TSPAN5: variants seen among roughly 807,000 people sequenced by gnomAD.
TSPAN5 encodes the protein tetraspanin-5.
A neutral mutation model predicts 37.1 loss-of-function variants in TSPAN5; 10 were observed. That is an observed-to-expected ratio of 0.27 (90% confidence interval 0.17 to 0.46). TSPAN5 has a LOEUF of 0.46. TSPAN5 is among the 20% of genes least tolerant of loss of function. The pLI, the probability that TSPAN5 is intolerant of heterozygous loss-of-function variation, is 1.00. For synonymous variants in TSPAN5, 110 were observed against 118.9 expected (o/e 0.93, Z 0.48); for missense variants, 195 against 326.6 (o/e 0.60, Z 3.11).
intron 1 of TSPAN5, among the ~76,000 whole-genome samples, chr4:98,540,945 A>G (rs1419941767): frequency 6.6e-6 from 1 of 152,236 alleles, no homozygotes; most frequent in Non-Finnish European, 1.5e-5. Flanking sequence ...CTGTGGTTAA[A>G]CAACTGCACA....
At chr4:98,598,462 TC>T (rs1220790846) in intron 1 of TSPAN5, among the ~76,000 whole-genome samples, 1 of 147,628 alleles carries the variant, frequency 6.8e-6, no homozygotes, top group Non-Finnish European at 1.5e-5. Flanking sequence ...GGCTCCTCCC[TC>T]CTGTTTTTTT....
At chr4:98,518,068 ACT>A (rs1753773717) in intron 1 of TSPAN5, among the ~76,000 whole-genome samples, 1 of 150,448 alleles carries the variant, frequency 6.6e-6, no homozygotes, top group Non-Finnish European at 1.5e-5. Flanking sequence ...TCAGATGCAC[ACT>A]GTTTTTATGT....
At chr4:98,621,789 C>A (rs1359835393) in intron 1 of TSPAN5, among the ~76,000 whole-genome samples, 2 of 127,768 alleles carry the variant, frequency 1.6e-5, no homozygotes, top group Non-Finnish European at 1.9e-5. Flanking sequence ...CTCATTCCCA[C>A]CCCCCCCGCA....
intron 1 of TSPAN5, among the ~76,000 whole-genome samples, chr4:98,656,877 C>T (rs1757304327): frequency 6.6e-6 from 1 of 152,186 alleles, no homozygotes; most frequent in Admixed American, 6.5e-5. Flanking sequence ...GACAACTATT[C>T]TCACAGATGT....
In TSPAN5 at chr4:98,556,047, A is replaced by T. The variant is rs115513931; in HGVS notation, c.82-48319T>A. Among the ~76,000 whole-genome samples the T allele has an allele frequency of 3.0e-5, 2 of 66,722 alleles. 1 individual carries two copies. The highest frequency in any genetic ancestry group is 1.4e-4 in the African/African-American group (2 of 13,852). 43.8% of individuals were successfully genotyped at this position (66,722 alleles called of 152,430 possible). On this transcript the variant is annotated intron_variant, in intron 1 of 7. Transcript: ENST00000305798. ...CCCCACACACACAGCACCCCCACACACACACACACACACACACAGGTAGGA... is the reference window on the plus strand; with the variant it reads ...CCCCACACACACAGCACCCCCACACTCACACACACACACACACAGGTAGGA...
intron 2 of TSPAN5, among the ~76,000 whole-genome samples, chr4:98,506,945 T>G (rs1433227620): frequency 1.3e-5 from 2 of 151,994 alleles, no homozygotes; most frequent in Non-Finnish European, 2.9e-5. Flanking sequence ...TAGGGGGAGC[T>G]GTAGAGAAAA....
At chr4:98,515,306 C>T (rs1436360030) in intron 1 of TSPAN5, among the ~76,000 whole-genome samples, 4 of 152,150 alleles carry the variant, frequency 2.6e-5, no homozygotes. Flanking sequence ...CAGAACTGCA[C>T]AAAGCAATTG....
At chr4:98,502,151 G>A (rs1753367771) in intron 2 of TSPAN5, among the ~76,000 whole-genome samples, 1 of 152,222 alleles carries the variant, frequency 6.6e-6, no homozygotes, top group African/African-American at 2.4e-5. Flanking sequence ...GAGCAGGTTG[G>A]GAGGGCATGA....
intron 1 of TSPAN5, among the ~76,000 whole-genome samples, chr4:98,549,662 G>C (rs182592709): frequency 2.0e-5 from 3 of 151,994 alleles, no homozygotes; most frequent in Non-Finnish European, 2.9e-5. Context: ...TTTCATGTTT[G>C]TTGGCCACTT....
chr4:98,651,681 G>T (rs1174555024), intron 1 of TSPAN5, among the ~76,000 whole-genome samples: 1 of 152,140 alleles, frequency 6.6e-6, no homozygotes. Context: ...GGATGGAAAT[G>T]ATGGGGAGAC....
At chr4:98,592,334 A>G (rs1482505951) in intron 1 of TSPAN5, among the ~76,000 whole-genome samples, 2 of 150,544 alleles carry the variant, frequency 1.3e-5, no homozygotes, top group African/African-American at 4.9e-5. Context: ...ATGAAACTGA[A>G]CTTCAAAATG....
chr4:98,486,114 C>T (rs1434840755), intron 3 of TSPAN5, among the ~76,000 whole-genome samples: 1 of 152,198 alleles, frequency 6.6e-6, no homozygotes, highest in Admixed American at 6.5e-5. Context: ...CAAAGGCTTT[C>T]ACTTTTCATT....
chr4:98,633,994 G>A (rs1373666351), intron 1 of TSPAN5, among the ~76,000 whole-genome samples: 7 of 151,908 alleles, frequency 4.6e-5, no homozygotes, highest in South Asian at 2.1e-4. Context: ...CAGGAGAATC[G>A]CTTGAACCCG....
chr4:98,607,768 T>C (rs950798779), intron 1 of TSPAN5, among the ~76,000 whole-genome samples: 1 of 151,472 alleles, frequency 6.6e-6, no homozygotes, highest in Admixed American at 6.6e-5. Flanking sequence ...TGGAGTGCAA[T>C]GGCGCCATCT....
At chr4:98,649,071 G>A (rs145493610) in intron 1 of TSPAN5, among the ~76,000 whole-genome samples, 11 of 152,270 alleles carry the variant, frequency 7.2e-5, no homozygotes, top group Non-Finnish European at 1.3e-4. Context: ...AAACCCACAC[G>A]AGGAGTAATT....
intron 1 of TSPAN5, among the ~76,000 whole-genome samples, chr4:98,519,070 C>T (rs1490033186): frequency 6.6e-6 from 1 of 152,108 alleles, no homozygotes; most frequent in African/African-American, 2.4e-5. Context: ...TGGGAGGCTA[C>T]TAATTTGGTG....
At chr4:98,540,375 T>C (rs968766749) in intron 1 of TSPAN5, among the ~76,000 whole-genome samples, 58 of 152,240 alleles carry the variant, frequency 3.8e-4, no homozygotes, top group Middle Eastern at 6.8e-3. Flanking sequence ...CTCACTGTTG[T>C]AGCCCAGGCT....
intron 1 of TSPAN5, among the ~76,000 whole-genome samples, chr4:98,592,421 G>GTTTTTTTTTTTTTTTTTTTTTT (rs1204813183): frequency 9.4e-5 from 9 of 95,258 alleles, no homozygotes; most frequent in African/African-American, 3.5e-4. Context: ...AGGGATCTCT[G>GTTTTTTTTTTTTTTTTTTTTTT]TTTTTTGTTT....
chr4:98,550,684 G>A (rs1754595676), intron 1 of TSPAN5, among the ~76,000 whole-genome samples: 1 of 148,098 alleles, frequency 6.8e-6, no homozygotes, highest in African/African-American at 2.5e-5. Context: ...GATCATTACT[G>A]TACTAGTGTA....
Sources: gnomAD v4.1 joint callset for allele counts (sites outside exome capture counted in the v4.1 genomes callset) on GRCh38, gnomAD v4.1.1 for gene constraint, MANE v1.5 for transcripts, NCBI Gene and HGNC (gene_info 2026-07-23, HGNC 2026-07-21) for gene names.